Variants in TRIP12 observed in about 807,000 individuals in gnomAD.
TRIP12 encodes E3 ubiquitin-protein ligase TRIP12.
A neutral mutation model predicts 244.2 loss-of-function variants in TRIP12; 25 were observed. That is an observed-to-expected ratio of 0.10 (90% CI 0.07 to 0.14). The LOEUF (loss-of-function observed/expected upper bound fraction) is 0.14. Among genes scored for constraint, TRIP12 ranks in the 10% least tolerant of loss-of-function variants. TRIP12 has a pLI of 1.00. For missense variants in TRIP12, 1,677 were observed against 2,486.4 expected, an observed-to-expected ratio of 0.67 and a Z score of 6.92; for synonymous variants, 905 against 873.1, an observed-to-expected ratio of 1.04 and a Z score of -0.64.
At chr2:229,894,951 A>G (rs893003846) in intron 1 of TRIP12, among the ~76,000 whole-genome samples, 1 of 152,220 alleles carries the variant, frequency 6.6e-6, no homozygotes, top group African/African-American at 2.4e-5. Context: ...ACCTTTAGAG[A>G]AAGGCACCTT....
chr2:229,807,653 TAC>T, intron 17 of TRIP12, 53 bp downstream of exon 17: 7 of 1,605,406 alleles, frequency 4.4e-6, no homozygotes, highest in Non-Finnish European at 5.1e-6. Flanking sequence ...ATTCCATCCC[TAC>T]ACCCACTCTC....
At chr2:229,812,322 C>T (rs1369363278) in intron 13 of TRIP12, among the ~76,000 whole-genome samples, 1 of 152,118 alleles carries the variant, frequency 6.6e-6, no homozygotes. Context: ...CTCAGGTGAT[C>T]CACCTGCCTT....
At chr2:229,836,553 C>A (rs1575714473) in intron 6 of TRIP12, among the ~76,000 whole-genome samples, 1 of 152,126 alleles carries the variant, frequency 6.6e-6, no homozygotes, top group Non-Finnish European at 1.5e-5. Context: ...TACATTTTTA[C>A]TATGAATTTA....
At chr2:229,803,430 C>T (rs972180210) in intron 20 of TRIP12, 141 bp downstream of exon 20, 8 of 560,182 alleles carry the variant, frequency 1.4e-5, no homozygotes, top group Non-Finnish European at 1.8e-5. Flanking sequence ...ACACATTCTA[C>T]GTACACAGAG....
intron 9 of TRIP12, among the ~76,000 whole-genome samples, chr2:229,817,967 CG>C (rs1214746931): frequency 5.9e-5 from 9 of 152,014 alleles, no homozygotes; most frequent in African/African-American, 1.9e-4. Flanking sequence ...CATGTAGACA[CG>C]TACTAAATAT....
intron 5 of TRIP12, among the ~76,000 whole-genome samples, chr2:229,838,857 A>G (rs1370549288): frequency 2.0e-5 from 3 of 152,226 alleles, no homozygotes; most frequent in African/African-American, 7.2e-5. Flanking sequence ...TAAGGTGGCA[A>G]AGCTATATTT....
chr2:229,882,288 T>TA (rs2065043185), intron 1 of TRIP12, among the ~76,000 whole-genome samples: 1 of 152,206 alleles, frequency 6.6e-6, no homozygotes, highest in Admixed American at 6.5e-5. Context: ...TAAAATCTAA[T>TA]ATATTGGGAA....
In TRIP12 at chr2:229,859,399, G is replaced by T; in HGVS notation, c.400C>A (p.Pro134Thr). ...RTNSPSSAKKPKALQHTESPS... is the reference protein window; with the variant it reads ...RTNSPSSAKKTKALQHTESPS... ...GATTCAGTATGCTGAAGTGCTTTTGGTTTTTTTGCAGAGCTAGGAGAATTG... is the reference window on the plus strand; with the variant it reads ...GATTCAGTATGCTGAAGTGCTTTTGTTTTTTTTGCAGAGCTAGGAGAATTG... The change falls in exon 4 of 42, where the codon CCA becomes ACA. Residue 134 changes from proline to threonine, a missense_variant. Pro to Thr is a conservative substitution (Grantham distance 38, BLOSUM62 -1). Around this residue, in one of 11 missense-constraint regions of TRIP12, gnomAD observed 387 missense variants for 392.6 expected, o/e 0.99. Coordinates refer to ENST00000675903, the MANE Select transcript of TRIP12 (RefSeq NM_001348323.3). 6.2e-7 allele frequency: 1 copy of T among 1,614,088 alleles called. No homozygotes were observed. Among genetic ancestry groups the T allele is most frequent in the Non-Finnish European group, 8.5e-7 (1 of 1,180,004 alleles).
At chr2:229,907,160 T>C (rs1219461034) in intron 1 of TRIP12, among the ~76,000 whole-genome samples, 1 of 152,198 alleles carries the variant, frequency 6.6e-6, no homozygotes, top group East Asian at 1.9e-4. Flanking sequence ...TGCCACCAAC[T>C]GTGAAAATAA....
intron 6 of TRIP12, among the ~76,000 whole-genome samples, chr2:229,833,567 G>C (rs2054000626): frequency 2.0e-5 from 3 of 152,184 alleles, no homozygotes; most frequent in Non-Finnish European, 4.4e-5. Context: ...AGTTACAGGT[G>C]TGAGCTACTG....
At position 229,778,979 on chromosome 2, in the gene TRIP12, A is replaced by G. The variant is rs754853347; in HGVS notation, c.5106T>C (p.Gly1702=). 5 of 1,613,390 alleles carry G rather than the reference A, an allele frequency of 3.1e-6. No individual in the cohort carries two copies. In the South Asian group the frequency reaches 4.4e-5, roughly 14 times the overall value. ...CATAAAACTCCAGTGTAGGCCCAAG[A>G]CCTGTACCAACCTACAGAAGAACAC... ...EIQYENEVGT[G]LGPTLEFYAL... is the part of the protein sequence containing the mutation. Residue 1702 remains glycine (G), a synonymous_variant, in exon 35 of 42, where the codon GGT becomes GGC. Coordinates refer to ENST00000675903, the MANE Select transcript of TRIP12 (RefSeq NM_001348323.3). The surrounding 1 kb of genome is among the most constrained non-coding windows in gnomAD (Gnocchi z 4.1).
rs745327132 is a variant in TRIP12, at chr2:229,795,216, C to T, written c.3931G>A (p.Val1311Ile). The stretch of plus-strand genomic sequence containing the variant: ...CCATTTCCACTAGGGAAATCATGTA[C>T]TTTGACTGGAAATTGTTCCATCTGG... ...LSQMEQFPVK[V>I]HDFPSGNGTG... The change falls in exon 26 of 42, where the codon GTA becomes ATA. Residue 1311 changes from valine to isoleucine, a missense_variant. Val to Ile is a conservative substitution (Grantham distance 29). Around this residue, in one of 11 missense-constraint regions of TRIP12, gnomAD observed 265 missense variants for 370.8 expected, o/e 0.71. Transcript: ENST00000675903. 1 of 1,613,972 alleles carries T rather than the reference C, an allele frequency of 6.2e-7. No homozygotes were observed.
chr2:229,835,901 C>T (rs1278213556), intron 6 of TRIP12, among the ~76,000 whole-genome samples: 1 of 151,966 alleles, frequency 6.6e-6, no homozygotes, highest in East Asian at 1.9e-4. Context: ...TTTAAACCTT[C>T]AAAAAACTAT....
intron 32 of TRIP12, 71 bp downstream of exon 32, chr2:229,788,721 ATGTTTC>A (rs1334839868): frequency 6.5e-7 from 1 of 1,537,742 alleles, no homozygotes; most frequent in African/African-American, 1.4e-5. Context: ...AGTAAAGACA[ATGTTTC>A]TGTAACAAAA....
chr2:229,891,908 T>A lies in TRIP12; in HGVS notation c.-49-11780A>T, dbSNP rs146929220. Among the ~76,000 whole-genome samples, 1,109 of 152,272 alleles carry A rather than the reference T, an allele frequency of 7.3e-3. 49 individuals carry two copies. Among genetic ancestry groups the A allele is most frequent in the Admixed American group, 0.065 (994 of 15,298 alleles). ...TGTCACTGTGGAAAAATGGAGATGA[T>A]CCGAATGTTCTCAGCAAAGGAACAG... On this transcript the variant is annotated intron_variant, in intron 1 of 41. Transcript: ENST00000675903.
chr2:229,834,945 A>G (rs57858189), intron 6 of TRIP12, among the ~76,000 whole-genome samples: 1,913 of 152,320 alleles, frequency 0.013, 47 homozygotes, highest in African/African-American at 0.044. Flanking sequence ...TATATCGACT[A>G]TACAAGTACT....
intron 37 of TRIP12, among the ~76,000 whole-genome samples, chr2:229,775,860 TTATTA>T (rs796204521): frequency 6.6e-6 from 1 of 151,896 alleles, no homozygotes; most frequent in African/African-American, 2.4e-5. Flanking sequence ...TCACAGTTGG[TTATTA>T]TAATAAGTCA....
intron 4 of TRIP12, among the ~76,000 whole-genome samples, 161 bp downstream of exon 4, chr2:229,858,611 A>G (rs79718793): frequency 0.015 from 2,211 of 152,304 alleles, 38 homozygotes; most frequent in Non-Finnish European, 0.023. Flanking sequence ...ATGTAGTAGC[A>G]CTTACTACAT....
intron 30 of TRIP12, 124 bp from the exon 31 acceptor site, chr2:229,789,886 T>A (rs1575026475): frequency 2.0e-6 from 2 of 1,002,420 alleles, no homozygotes; most frequent in Non-Finnish European, 1.5e-6. Context: ...GGAATCTTAT[T>A]AGTAGGGTAT....
Sources: gnomAD v4.1 joint callset for allele counts (sites outside exome capture counted in the v4.1 genomes callset) on GRCh38, gnomAD v4.1.1 for gene constraint, gnomAD v4.1.1 regional missense constraint, Gnocchi (gnomAD v3.1) non-coding constraint, MANE v1.5 for transcripts, NCBI Gene and HGNC (gene_info 2026-07-23, HGNC 2026-07-21) for gene names.